Variants in CAMTA1 observed in about 807,000 individuals in gnomAD.
CAMTA1 encodes calmodulin binding transcription activator 1.
CAMTA1 carries 27 observed loss-of-function variants against 170.9 expected under a neutral mutation model. The observed-to-expected ratio is 0.16, with a 90% CI of 0.12 to 0.22. The LOEUF is 0.22. Ranked by LOEUF, CAMTA1 falls within the 10% of genes least tolerant of loss-of-function variation. CAMTA1 has a pLI of 1.00. For synonymous variants in CAMTA1, 833 were observed against 891.5 expected (o/e 0.93, Z 1.17); for missense variants, 1,619 against 2,217.2 (o/e 0.73, Z 5.42).
chr1:6,908,356 C>T (rs181825983), intron 3 of CAMTA1, among the ~76,000 whole-genome samples: 2 of 152,352 alleles, frequency 1.3e-5, no homozygotes, highest in Admixed American at 6.5e-5. Flanking sequence ...TCCACCATGC[C>T]CTCTGCTCTC....
At chr1:7,648,157 G>C (rs888884004) in intron 7 of CAMTA1, among the ~76,000 whole-genome samples, 8 of 152,182 alleles carry the variant, frequency 5.3e-5, no homozygotes, top group African/African-American at 1.9e-4. Flanking sequence ...ACTTCGGGAG[G>C]CTGAGGCAGG....
intron 3 of CAMTA1, among the ~76,000 whole-genome samples, chr1:7,082,849 G>A (rs1020382174): frequency 1.3e-5 from 2 of 152,168 alleles, no homozygotes; most frequent in Non-Finnish European, 2.9e-5. Flanking sequence ...CGTCCGTGCT[G>A]CTAATTTGGC....
chr1:7,601,143 G>A (rs752166279), intron 6 of CAMTA1, among the ~76,000 whole-genome samples: 6 of 147,070 alleles, frequency 4.1e-5, no homozygotes, highest in South Asian at 2.1e-4. Context: ...CGGACGGGGC[G>A]GCTGGCCGGG....
At chr1:7,001,897 C>CTTCTTT (rs777475717) in intron 3 of CAMTA1, among the ~76,000 whole-genome samples, 10 of 137,416 alleles carry the variant, frequency 7.3e-5, no homozygotes, top group Non-Finnish European at 1.4e-4. Context: ...TCTTCTTCTT[C>CTTCTTT]TTTTTTTTTT....
chr1:7,056,256 G>T (rs909937106), intron 3 of CAMTA1, among the ~76,000 whole-genome samples: 2 of 152,164 alleles, frequency 1.3e-5, no homozygotes, highest in African/African-American at 4.8e-5. Context: ...TCACACACAT[G>T]CACAGTTTTA....
chr1:6,847,466 A>G (rs1658644436), intron 3 of CAMTA1, among the ~76,000 whole-genome samples: 1 of 151,808 alleles, frequency 6.6e-6, no homozygotes, highest in Non-Finnish European at 1.5e-5. Flanking sequence ...GTTTAAGGAG[A>G]GAGATGGATG....
intron 5 of CAMTA1, among the ~76,000 whole-genome samples, chr1:7,402,784 T>C (rs1339069577): frequency 6.6e-6 from 1 of 152,156 alleles, no homozygotes; most frequent in Non-Finnish European, 1.5e-5. Flanking sequence ...CTTTTGAAAC[T>C]GAAAGCAAAG....
At position 7,548,759 on chromosome 1, in the gene CAMTA1, T is replaced by C. The variant is rs74055123; in HGVS notation, c.510+80858T>C. ...GGAGGTGCCCTTGCAGGGTTCCTCTTAGAGGTGGAGATGCCCATGGAGGTG... is the reference window on the plus strand; with the variant it reads ...GGAGGTGCCCTTGCAGGGTTCCTCTCAGAGGTGGAGATGCCCATGGAGGTG... On this transcript the variant is annotated intron_variant, in intron 6 of 22. Coordinates refer to ENST00000303635, the MANE Select transcript of CAMTA1 (RefSeq NM_015215.4). Among the ~76,000 whole-genome samples the C allele has an allele frequency of 8.7e-3, 702 of 81,066 alleles. 49 individuals are homozygous for C. The highest frequency in any genetic ancestry group is 0.025 in the African/African-American group (653 of 25,840). The allele number at this position is 81,066 out of a possible 152,430, so 53.2% of individuals were successfully genotyped here. A position where few individuals can be genotyped will look rare whatever the true frequency, so the allele number is the denominator to read the frequency against.
intron 4 of CAMTA1, among the ~76,000 whole-genome samples, chr1:7,182,530 G>C (rs897728071): frequency 6.0e-5 from 9 of 150,574 alleles, no homozygotes; most frequent in African/African-American, 2.2e-4. Context: ...AAGAAAACAT[G>C]GGTGAGCTTT....
rs548227804 is a variant in CAMTA1, at chr1:7,221,573, A to G, written c.303-27918A>G. Among the ~76,000 whole-genome samples, 4 of 152,138 alleles carry G rather than the reference A, an allele frequency of 2.6e-5. No individual in the cohort carries two copies. The South Asian group carries it at 8.3e-4, about 32-fold the overall frequency. On this transcript the variant is annotated intron_variant, in intron 4 of 22. Coordinates refer to ENST00000303635, the MANE Select transcript of CAMTA1 (RefSeq NM_015215.4). ...TTCTTCTTTATATGGTACCAGGCAGACCAGTGAATGCGTCGTGAAACACCT... is the reference window on the plus strand; with the variant it reads ...TTCTTCTTTATATGGTACCAGGCAGGCCAGTGAATGCGTCGTGAAACACCT...
intron 10 of CAMTA1, among the ~76,000 whole-genome samples, chr1:7,671,897 G>A (rs899116710): frequency 2.6e-5 from 4 of 152,194 alleles, no homozygotes; most frequent in Admixed American, 6.5e-5. Context: ...TAGTATCCCC[G>A]GGGCTGGCAG....
chr1:7,243,331 G>A (rs989952927), intron 4 of CAMTA1, among the ~76,000 whole-genome samples: 1 of 152,066 alleles, frequency 6.6e-6, no homozygotes, highest in African/African-American at 2.4e-5. Context: ...GATTAACTTG[G>A]GTTTTCTTCT....
At chr1:7,039,256 C>G (rs1704080091) in intron 3 of CAMTA1, among the ~76,000 whole-genome samples, 1 of 152,080 alleles carries the variant, frequency 6.6e-6, no homozygotes, top group African/African-American at 2.4e-5. Flanking sequence ...TCTTCCTCCT[C>G]CTCCTCCTCC....
Position 7,065,119 on chromosome 1 carries a change from C to T in CAMTA1, c.235-26185C>T, listed in dbSNP as rs1397766986. Among the ~76,000 whole-genome samples the T allele has an allele frequency of 6.6e-6, 1 of 152,156 alleles. No individual in the cohort carries two copies. The highest frequency in any genetic ancestry group is 1.5e-5 in the Non-Finnish European group (1 of 68,020). On this transcript the variant is annotated intron_variant, in intron 3 of 22. Transcript: ENST00000303635. This position sits in a 1 kb window ranked among gnomAD's most constrained non-coding sequence, Gnocchi z 5.2. Reference sequence around the variant, plus strand: ...TCTTTATACAGCCAAATGGGGAGGCCACATAGGCTAGCAGATCCTGGGCCA... The same window carrying T: ...TCTTTATACAGCCAAATGGGGAGGCTACATAGGCTAGCAGATCCTGGGCCA...
chr1:7,185,875 T>C (rs1653146595), intron 4 of CAMTA1, among the ~76,000 whole-genome samples: 1 of 152,208 alleles, frequency 6.6e-6, no homozygotes, highest in African/African-American at 2.4e-5. Flanking sequence ...TAAAGGAAAC[T>C]AAAGAGATAC....
At chr1:7,413,969 G>T (rs1205901452) in intron 5 of CAMTA1, among the ~76,000 whole-genome samples, 1 of 152,142 alleles carries the variant, frequency 6.6e-6, no homozygotes. Context: ...AGCATGAAGG[G>T]TTGTTGAATT....
chr1:6,801,348 C>G (rs1022743191), intron 1 of CAMTA1, among the ~76,000 whole-genome samples: 1 of 152,052 alleles, frequency 6.6e-6, no homozygotes, highest in African/African-American at 2.4e-5. Context: ...TTTTTAGTCT[C>G]TTTAGCTTCT....
chr1:7,233,140 TGAGATG>T (rs952603559), intron 4 of CAMTA1, among the ~76,000 whole-genome samples: 1 of 152,214 alleles, frequency 6.6e-6, no homozygotes, highest in Non-Finnish European at 1.5e-5. Context: ...ACCGTCACAT[TGAGATG>T]TTTAGTCCTT....
At chr1:7,466,583 G>A (rs2093216079) in intron 5 of CAMTA1, among the ~76,000 whole-genome samples, 1 of 152,188 alleles carries the variant, frequency 6.6e-6, no homozygotes, top group Admixed American at 6.5e-5. Flanking sequence ...TCTCTGGAGA[G>A]CTGGTTCAAG....
Sources: allele counts gnomAD v4.1 joint callset (sites outside exome capture counted in the v4.1 genomes callset), GRCh38; gene constraint gnomAD v4.1.1; non-coding constraint Gnocchi (gnomAD v3.1); transcripts MANE v1.5; gene names NCBI Gene and HGNC (gene_info 2026-07-23, HGNC 2026-07-21).